The following TBL1XR1 variants were observed in gnomAD, a reference collection of about 807,000 sequenced individuals.
The protein encoded by TBL1XR1 is F-box-like/WD repeat-containing protein TBL1XR1.
A neutral mutation model predicts 66.9 loss-of-function variants in TBL1XR1; 5 were observed. The ratio of observed to expected loss-of-function variants is 0.07; its 90% CI spans 0.04 to 0.16. The LOEUF is 0.16. Among genes scored for constraint, TBL1XR1 ranks in the 10% least tolerant of loss-of-function variants. TBL1XR1 has a pLI of 1.00. For missense variants in TBL1XR1, 238 were observed against 623.2 expected, an observed-to-expected ratio of 0.38 and a Z score of 6.58; for synonymous variants, 210 against 206.0, an observed-to-expected ratio of 1.02 and a Z score of -0.17.
Position 177,134,969 on chromosome 3 carries a change from G to GTGTGTGTGTGTGTC in TBL1XR1, c.-121-36429_-121-36428insGACACACACACACA, listed in dbSNP as rs146706429. Among the ~76,000 whole-genome samples the GTGTGTGTGTGTGTC allele has an allele frequency of 5.1e-3, 485 of 95,564 alleles. 10 individuals are homozygous for GTGTGTGTGTGTGTC. The East Asian group carries it at 0.1, about 20-fold the overall frequency. 62.7% of individuals were successfully genotyped at this position (95,564 alleles called of 152,430 possible). On this transcript the variant is annotated intron_variant, in intron 1 of 15. Coordinates refer to ENST00000457928, the MANE Select transcript of TBL1XR1 (RefSeq NM_024665.7). The stretch of plus-strand genomic sequence containing the variant: ...GCTGTGTGTGTGTGTGTGTGTGTCT[G>GTGTGTGTGTGTGTC]TGTGTGTGTCTGTGTGTGTGTGTTT...
At chr3:177,055,168 A>G (rs189420927) in intron 3 of TBL1XR1, among the ~76,000 whole-genome samples, 213 of 152,248 alleles carry the variant, frequency 1.4e-3, no homozygotes, top group Non-Finnish European at 1.4e-3. Flanking sequence ...TGTCTAGCCT[A>G]GTTTTTTAGT....
rs773853862 is a variant in TBL1XR1 at position 177,051,490 on chromosome 3, T to C, written c.427+14A>G. 1 of 1,561,942 alleles carries C rather than the reference T, an allele frequency of 6.4e-7. No homozygotes were observed. Among genetic ancestry groups the C allele is most frequent in the Non-Finnish European group, 8.6e-7 (1 of 1,161,784 alleles). On this transcript the variant is annotated intron_variant, in intron 5 of 15. Transcript: ENST00000457928. Reference sequence around the variant, plus strand: ...AAACCATGTAATTAAAAAAAAATTCTTGTCTGAGCTCACTTGCTATAGTAT... The same window carrying C: ...AAACCATGTAATTAAAAAAAAATTCCTGTCTGAGCTCACTTGCTATAGTAT...
intron 3 of TBL1XR1, among the ~76,000 whole-genome samples, chr3:177,056,481 T>C (rs2108511734): frequency 6.6e-6 from 1 of 152,312 alleles, no homozygotes; most frequent in Non-Finnish European, 1.5e-5. Flanking sequence ...TGCTCTCAAA[T>C]AGCAATGAAA....
intron 1 of TBL1XR1, among the ~76,000 whole-genome samples, chr3:177,166,249 TGA>T (rs1732807165): frequency 6.6e-6 from 1 of 151,968 alleles, no homozygotes; most frequent in African/African-American, 2.4e-5. Flanking sequence ...ACAATGATAA[TGA>T]GATAAATAAA....
chr3:177,053,887 T>G lies in TBL1XR1; in HGVS notation c.90A>C (p.Ile30=), dbSNP rs201359736. The G allele has an allele frequency of 8.8e-5, 142 of 1,612,618 alleles. No individual in the cohort carries two copies. Among genetic ancestry groups the G allele is most frequent in the Non-Finnish European group, 1.4e-5 (17 of 1,179,436 alleles). Residue 30 remains isoleucine (I), a synonymous_variant, in exon 4 of 16, where the codon ATA becomes ATC. Transcript: ENST00000457928. Reference sequence around the variant, plus strand: ...TATTGGACTGACTGATATGGCTTTCTATACCAAAGGTAAATGCTGAATGAG... The same window carrying G: ...TATTGGACTGACTGATATGGCTTTCGATACCAAAGGTAAATGCTGAATGAG... The part of the protein sequence containing the change: ...GFSHSAFTFG[I]ESHISQSNIN...
chr3:177,121,422 T>G (rs1387953188), intron 1 of TBL1XR1, among the ~76,000 whole-genome samples: 1 of 152,176 alleles, frequency 6.6e-6, no homozygotes, highest in African/African-American at 2.4e-5. Context: ...TGTCAATCTT[T>G]TTCTTCCCTT....
intron 1 of TBL1XR1, among the ~76,000 whole-genome samples, chr3:177,151,842 G>A (rs1004473286): frequency 6.6e-5 from 10 of 152,204 alleles, no homozygotes; most frequent in Non-Finnish European, 1.0e-4. Flanking sequence ...TGGCCACCAC[G>A]GTGAAACCCT....
intron 1 of TBL1XR1, among the ~76,000 whole-genome samples, chr3:177,179,030 T>G (rs1734482843): frequency 6.6e-6 from 1 of 150,678 alleles, no homozygotes; most frequent in South Asian, 2.1e-4. Flanking sequence ...GGCAAGAGAA[T>G]TGCTTGAAGC....
At chr3:177,166,667 T>C (rs1311367287) in intron 1 of TBL1XR1, among the ~76,000 whole-genome samples, 1 of 152,224 alleles carries the variant, frequency 6.6e-6, no homozygotes, top group South Asian at 2.1e-4. Flanking sequence ...TCCCCAGCCA[T>C]GCAGAACTGT....
At chr3:177,041,928 C>G (rs1431434993) in intron 10 of TBL1XR1, among the ~76,000 whole-genome samples, 2 of 152,184 alleles carry the variant, frequency 1.3e-5, no homozygotes, top group Admixed American at 1.3e-4. Flanking sequence ...CCAGTCCCCA[C>G]TGGACAATCA....
chr3:177,098,140 C>T (rs1363377488), intron 2 of TBL1XR1, among the ~76,000 whole-genome samples: 6 of 151,766 alleles, frequency 4.0e-5, no homozygotes, highest in East Asian at 1.9e-4. Context: ...ACCTGGGAGG[C>T]GGAGGAGGTT....
At chr3:177,108,908 G>C (rs995223320) in intron 1 of TBL1XR1, among the ~76,000 whole-genome samples, 2 of 152,124 alleles carry the variant, frequency 1.3e-5, no homozygotes, top group African/African-American at 4.8e-5. Flanking sequence ...ACTAGCTAAT[G>C]TTCACCAAGC....
intron 7 of TBL1XR1, chr3:177,047,802 A>G: frequency 2.3e-6 from 1 of 443,312 alleles, no homozygotes; most frequent in Admixed American, 3.7e-5. Context: ...ACCAGGATCT[A>G]CATCACCCCA....
intron 14 of TBL1XR1, among the ~76,000 whole-genome samples, chr3:177,028,585 A>G (rs1303806514): frequency 1.3e-5 from 2 of 152,218 alleles, no homozygotes; most frequent in Non-Finnish European, 2.9e-5. Context: ...ATCCTTAGAG[A>G]AACTATAAAA....
At chr3:177,093,834 A>G (rs1267375025) in intron 2 of TBL1XR1, among the ~76,000 whole-genome samples, 1 of 152,178 alleles carries the variant, frequency 6.6e-6, no homozygotes, top group South Asian at 2.1e-4. Context: ...AAGATGGATC[A>G]AAGAGTTGAA....
At chr3:177,098,332 A>AT (rs1206194868) in intron 2 of TBL1XR1, 134 bp downstream of exon 2, 4 of 299,092 alleles carry the variant, frequency 1.3e-5, no homozygotes, top group African/African-American at 6.8e-5. Flanking sequence ...AGAATAAAAA[A>AT]TTTAAAAAAA....
chr3:177,122,886 T>C (rs899364944), intron 1 of TBL1XR1, among the ~76,000 whole-genome samples: 4 of 152,156 alleles, frequency 2.6e-5, no homozygotes, highest in African/African-American at 7.2e-5. Flanking sequence ...CTTATTACAG[T>C]TGAATGTGGA....
chr3:177,089,241 C>T (rs548746137), intron 2 of TBL1XR1, among the ~76,000 whole-genome samples: 2 of 152,246 alleles, frequency 1.3e-5, no homozygotes, highest in East Asian at 3.9e-4. Context: ...GCAGAAGAGG[C>T]CAGCAGGGCC....
chr3:177,087,227 T>TAA (rs10713492), intron 2 of TBL1XR1, among the ~76,000 whole-genome samples: 4 of 150,018 alleles, frequency 2.7e-5, no homozygotes, highest in South Asian at 4.3e-4. Context: ...CTTTTTTATT[T>TAA]AAAAAAAAAA....
Sources: gnomAD v4.1 joint callset for allele counts (sites outside exome capture counted in the v4.1 genomes callset) on GRCh38, gnomAD v4.1.1 for gene constraint, MANE v1.5 for transcripts, NCBI Gene and HGNC (gene_info 2026-07-23, HGNC 2026-07-21) for gene names.